DLG2: variants seen among roughly 807,000 people sequenced by gnomAD.
DLG2 encodes disks large homolog 2.
Under a neutral mutation model 132.5 loss-of-function variants are expected in DLG2, and 45 were observed. The ratio of observed to expected loss-of-function variants is 0.34; its 90% CI spans 0.27 to 0.44. DLG2 has a LOEUF of 0.44. Among genes scored for constraint, DLG2 ranks in the 20% least tolerant of loss-of-function variants. DLG2 has a pLI of 1.00. For synonymous variants in DLG2, 424 were observed against 419.6 expected, an observed-to-expected ratio of 1.01 and a Z score of -0.13; for missense variants, 1,045 against 1,196.9, an observed-to-expected ratio of 0.87 and a Z score of 1.87.
intron 16 of DLG2, among the ~76,000 whole-genome samples, chr11:83,872,050 G>A (rs754980104): frequency 6.6e-6 from 1 of 152,154 alleles, no homozygotes; most frequent in Non-Finnish European, 1.5e-5. Context: ...CAGATCACAA[G>A]GTCAGGCGTT....
chr11:84,801,006 C>T (rs967972008), intron 6 of DLG2, among the ~76,000 whole-genome samples: 2 of 152,048 alleles, frequency 1.3e-5, no homozygotes, highest in Non-Finnish European at 2.9e-5. Flanking sequence ...CTGAGCAAGC[C>T]TGGGGAGCAG....
intron 16 of DLG2, among the ~76,000 whole-genome samples, chr11:83,843,707 G>A (rs759328274): frequency 3.9e-5 from 6 of 152,088 alleles, no homozygotes; most frequent in Non-Finnish European, 5.9e-5. Flanking sequence ...TCTACAGGTC[G>A]GGTTCCTTGC....
At chr11:83,488,555 T>C (rs749369610) in intron 21 of DLG2, among the ~76,000 whole-genome samples, 1 of 152,044 alleles carries the variant, frequency 6.6e-6, no homozygotes, top group African/African-American at 2.4e-5. Context: ...ATCTTTCTCA[T>C]CCAGAAAACC....
At chr11:85,212,296 C>A (rs1024166153) in intron 4 of DLG2, among the ~76,000 whole-genome samples, 5 of 152,046 alleles carry the variant, frequency 3.3e-5, no homozygotes, top group African/African-American at 1.2e-4. Flanking sequence ...CCTCTGATTT[C>A]CACTCACTCC....
chr11:84,483,432 A>AAAAAC (rs1469726791), intron 7 of DLG2, among the ~76,000 whole-genome samples: 3 of 53,524 alleles, frequency 5.6e-5, no homozygotes, highest in African/African-American at 2.7e-4. Context: ...CTCCGCCTCA[A>AAAAAC]AAAAAAAAAA....
At chr11:84,212,567 CAAAT>C (rs765666479) in intron 8 of DLG2, among the ~76,000 whole-genome samples, 33 of 152,272 alleles carry the variant, frequency 2.2e-4, no homozygotes, top group Middle Eastern at 6.8e-3. Context: ...TAAAAACTAA[CAAAT>C]AAGCCTTTGA....
intron 19 of DLG2, among the ~76,000 whole-genome samples, chr11:83,624,498 A>T: frequency 6.6e-6 from 1 of 152,246 alleles, no homozygotes; most frequent in Non-Finnish European, 1.5e-5. Flanking sequence ...AGTAAGCATT[A>T]TGCTAATGGG....
chr11:85,226,771 C>T (rs1398935575), intron 4 of DLG2, among the ~76,000 whole-genome samples: 1 of 152,076 alleles, frequency 6.6e-6, no homozygotes, highest in Non-Finnish European at 1.5e-5. Context: ...TCCTGAAAAT[C>T]CCTATCTCAT....
chr11:85,017,734 CA>C (rs1566657439), intron 6 of DLG2, among the ~76,000 whole-genome samples: 1 of 152,156 alleles, frequency 6.6e-6, no homozygotes, highest in Non-Finnish European at 1.5e-5. Context: ...AGATATCAGT[CA>C]ATACACAACC....
At chr11:84,453,386 G>A (rs537567039) in intron 7 of DLG2, among the ~76,000 whole-genome samples, 2 of 151,716 alleles carry the variant, frequency 1.3e-5, no homozygotes, top group South Asian at 2.1e-4. Context: ...CTATGTAATG[G>A]AACTGGTTAT....
chr11:83,758,513 T>C (rs1295073345), intron 18 of DLG2, among the ~76,000 whole-genome samples: 1 of 152,154 alleles, frequency 6.6e-6, no homozygotes, highest in African/African-American at 2.4e-5. Flanking sequence ...ATAAATGAAG[T>C]TATATATATG....
intron 21 of DLG2, among the ~76,000 whole-genome samples, chr11:83,529,868 T>C (rs1000132623): frequency 6.6e-6 from 1 of 152,082 alleles, no homozygotes; most frequent in Non-Finnish European, 1.5e-5. Context: ...AACCTATTCA[T>C]TGGCAAATAC....
chr11:84,994,926 T>C (rs879437540), intron 6 of DLG2, among the ~76,000 whole-genome samples: 1 of 152,182 alleles, frequency 6.6e-6, no homozygotes, highest in Non-Finnish European at 1.5e-5. Flanking sequence ...TTAATATGTG[T>C]CCTCTGGAGT....
At position 84,607,054 on chromosome 11, in the gene DLG2, A is replaced by G. The variant is rs115302627; in HGVS notation, c.358-72323T>C. Among the ~76,000 whole-genome samples, 1,128 of 152,148 alleles carry G rather than the reference A, an allele frequency of 7.4e-3. 15 individuals carry two copies. Among genetic ancestry groups the G allele is most frequent in the African/African-American group, 0.026 (1,075 of 41,510 alleles). On this transcript the variant is annotated intron_variant, in intron 6 of 27. Transcript: ENST00000376104. ...GGTCATCAAGAGCAGGGGGCCATAGAGCTTAATTTTTTTTAGTGTTATTCA... is the reference window on the plus strand; with the variant it reads ...GGTCATCAAGAGCAGGGGGCCATAGGGCTTAATTTTTTTTAGTGTTATTCA...
chr11:84,941,383 G>A (rs2049399744), intron 6 of DLG2, among the ~76,000 whole-genome samples: 1 of 152,114 alleles, frequency 6.6e-6, no homozygotes, highest in Non-Finnish European at 1.5e-5. Flanking sequence ...AATATCTTTA[G>A]ATGTTTTTGT....
chr11:83,892,027 T>A (rs1474089518), intron 15 of DLG2, among the ~76,000 whole-genome samples: 1 of 152,150 alleles, frequency 6.6e-6, no homozygotes, highest in African/African-American at 2.4e-5. Flanking sequence ...ATTGTACCAA[T>A]AGGTAACAGA....
chr11:84,860,476 T>A (rs2083458003), intron 6 of DLG2, among the ~76,000 whole-genome samples: 1 of 152,156 alleles, frequency 6.6e-6, no homozygotes, highest in South Asian at 2.1e-4. Context: ...GGATTTTCTA[T>A]TGTTGAAAAT....
intron 6 of DLG2, among the ~76,000 whole-genome samples, chr11:85,078,619 C>T (rs2066854929): frequency 6.6e-6 from 1 of 151,962 alleles, no homozygotes; most frequent in African/African-American, 2.4e-5. Flanking sequence ...ATTTTTACAG[C>T]AGATTATTAG....
chr11:83,811,065 G>A (rs914439044), intron 17 of DLG2, among the ~76,000 whole-genome samples: 1 of 150,458 alleles, frequency 6.6e-6, no homozygotes, highest in Non-Finnish European at 1.5e-5. Context: ...GAAAGAGTGT[G>A]GGTTTTGTCC....
Sources: gnomAD v4.1 joint callset for allele counts (sites outside exome capture counted in the v4.1 genomes callset) on GRCh38, gnomAD v4.1.1 for gene constraint, MANE v1.5 for transcripts, NCBI Gene and HGNC (gene_info 2026-07-23, HGNC 2026-07-21) for gene names.